FAM169A: variants seen among roughly 807,000 people sequenced by gnomAD.
FAM169A encodes the protein soluble lamin-associated protein of 75 kDa.
A neutral mutation model predicts 75.7 loss-of-function variants in FAM169A; 24 were observed. The ratio of observed to expected loss-of-function variants is 0.32; its 90% CI spans 0.23 to 0.45. FAM169A has a LOEUF of 0.45. Among genes scored for constraint, FAM169A ranks in the 20% least tolerant of loss-of-function variants. The probability of loss-of-function intolerance (pLI) is 1.00; values close to 1 mark genes in which losing one functional copy is unlikely to be tolerated. For synonymous variants in FAM169A, 271 were observed against 271.0 expected (o/e 1.00, Z 0.00); for missense variants, 673 against 784.0 (o/e 0.86, Z 1.69).
At chr5:74,791,890 A>C (rs898728923) in intron 11 of FAM169A, among the ~76,000 whole-genome samples, 5 of 152,256 alleles carry the variant, frequency 3.3e-5, no homozygotes, top group African/African-American at 7.2e-5. Flanking sequence ...CCAGCTGCAG[A>C]AACCAGGACT....
At chr5:74,837,153 A>G (rs944412259) in intron 4 of FAM169A, among the ~76,000 whole-genome samples, 3 of 152,132 alleles carry the variant, frequency 2.0e-5, no homozygotes, top group Non-Finnish European at 4.4e-5. Context: ...TTTAGCCTTC[A>G]TATCTATAAT....
At chr5:74,801,966 A>G (rs540246727) in intron 8 of FAM169A, among the ~76,000 whole-genome samples, 2 of 152,254 alleles carry the variant, frequency 1.3e-5, no homozygotes, top group African/African-American at 4.8e-5. Flanking sequence ...TAAGCCTCCA[A>G]ACTTTCTTCC....
chr5:74,801,526 C>G (rs376933486), intron 9 of FAM169A, 64 bp downstream of exon 9: 62 of 1,240,360 alleles, frequency 5.0e-5, no homozygotes, highest in Non-Finnish European at 3.6e-6. Flanking sequence ...CATGCACACA[C>G]ACACACACAG....
rs1216170209 is a variant in FAM169A, at chr5:74,841,566, A to C, written c.111T>G (p.Cys37Trp). The change falls in exon 2 of 13, where the codon TGT becomes TGG. Residue 37 changes from cysteine to tryptophan, a missense_variant. Around this residue, in one of 3 missense-constraint regions of FAM169A, gnomAD observed 56 missense variants for 52.2 expected, o/e 1.07. Coordinates refer to ENST00000687041, the MANE Select transcript of FAM169A (RefSeq NM_001376049.1). The part of the protein sequence containing the change: ...LRCGDPENPE[C>W]FSLLNITIPI... ...TTACCGTAATATTGAGAAGAGAAAAACACTCTGGATTTTCAGGGTCCCCAC... is the reference window on the plus strand; with the variant it reads ...TTACCGTAATATTGAGAAGAGAAAACCACTCTGGATTTTCAGGGTCCCCAC... The C allele has an allele frequency of 1.2e-6, 2 of 1,613,128 alleles. No homozygotes were observed. Among genetic ancestry groups the C allele is most frequent in the African/African-American group, 2.7e-5 (2 of 75,044 alleles).
chr5:74,844,173 A>T (rs560704829), intron 1 of FAM169A, among the ~76,000 whole-genome samples: 1 of 152,204 alleles, frequency 6.6e-6, no homozygotes, highest in South Asian at 2.1e-4. Context: ...TTTCCATGAC[A>T]AGGCCGGGCA....
intron 1 of FAM169A, among the ~76,000 whole-genome samples, chr5:74,860,166 T>C (rs6861935): frequency 0.15 from 22,263 of 152,220 alleles, 1,880 homozygotes; most frequent in African/African-American, 0.23. Context: ...TTCAAACCTA[T>C]GCCTATGGGC....
chr5:74,852,819 C>T (rs1031531059), intron 1 of FAM169A, among the ~76,000 whole-genome samples: 2 of 152,080 alleles, frequency 1.3e-5, no homozygotes, highest in Non-Finnish European at 1.5e-5. Flanking sequence ...ATTAAGGGAC[C>T]TTGGGCAGGG....
intron 6 of FAM169A, among the ~76,000 whole-genome samples, chr5:74,812,831 C>T (rs1433313671): frequency 6.6e-6 from 1 of 152,112 alleles, no homozygotes; most frequent in Non-Finnish European, 1.5e-5. Flanking sequence ...ATGTGGAGGG[C>T]TGTAATAAAA....
chr5:74,851,702 ACTT>A (rs1749453544), intron 1 of FAM169A, among the ~76,000 whole-genome samples: 1 of 152,232 alleles, frequency 6.6e-6, no homozygotes, highest in Non-Finnish European at 1.5e-5. Context: ...CAACTCTGGT[ACTT>A]CACAACCCAG....
At chr5:74,857,599 A>C (rs1450462688) in intron 1 of FAM169A, among the ~76,000 whole-genome samples, 1 of 149,412 alleles carries the variant, frequency 6.7e-6, no homozygotes, top group African/African-American at 2.5e-5. Flanking sequence ...AAAAAAAAAA[A>C]AAAAACTTCC....
chr5:74,847,263 T>C (rs1749203422), intron 1 of FAM169A, among the ~76,000 whole-genome samples: 1 of 152,108 alleles, frequency 6.6e-6, no homozygotes, highest in Non-Finnish European at 1.5e-5. Context: ...CCAAACATGG[T>C]CTGTACCCAT....
chr5:74,842,742 G>C (rs1748948710), intron 1 of FAM169A, among the ~76,000 whole-genome samples: 6 of 151,568 alleles, frequency 4.0e-5, no homozygotes, highest in Admixed American at 4.0e-4. Flanking sequence ...TTTTAAGCAA[G>C]ATTTTAATGG....
intron 12 of FAM169A, 96 bp downstream of exon 12, chr5:74,782,835 G>T: frequency 1.3e-6 from 1 of 772,464 alleles, no homozygotes; most frequent in Non-Finnish European, 2.1e-6. Flanking sequence ...CACTGTACAT[G>T]TAAAGGTGGA....
chr5:74,781,720 CAGT>C lies in FAM169A; in HGVS notation c.1750_1752del (p.Thr584del), dbSNP rs1745419259. 6.2e-7 allele frequency: 1 copy of C among 1,614,158 alleles called. No homozygotes were observed. Among genetic ancestry groups the C allele is most frequent in the Admixed American group, 1.7e-5 (1 of 60,026 alleles). On this transcript the variant is annotated inframe_deletion, in exon 13 of 13. Coordinates refer to ENST00000687041, the MANE Select transcript of FAM169A (RefSeq NM_001376049.1). The stretch of plus-strand genomic sequence containing the variant: ...TCTATCAAAGAACTCTGAGGAAGAG[CAGT>C]AGATGTTTCCTGGGGCTCAGATACC...
chr5:74,812,653 C>A (rs145313767), intron 6 of FAM169A, among the ~76,000 whole-genome samples: 10 of 152,128 alleles, frequency 6.6e-5, no homozygotes, highest in East Asian at 3.9e-4. Context: ...TAACCCCCCC[C>A]CAAAATGGTC....
intron 11 of FAM169A, among the ~76,000 whole-genome samples, chr5:74,790,303 C>A (rs1745908661): frequency 6.6e-6 from 1 of 152,196 alleles, no homozygotes. Flanking sequence ...TCCTGAAGGA[C>A]ACTGGTGAAG....
chr5:74,861,706 T>C (rs1750044637), intron 1 of FAM169A, among the ~76,000 whole-genome samples: 1 of 152,074 alleles, frequency 6.6e-6, no homozygotes, highest in South Asian at 2.1e-4. Flanking sequence ...TCCTCTCTTC[T>C]TCCTCTCCTC....
At chr5:74,823,978 TG>T (rs1008668948) in intron 5 of FAM169A, among the ~76,000 whole-genome samples, 59 of 152,240 alleles carry the variant, frequency 3.9e-4, no homozygotes, top group Admixed American at 2.2e-3. Flanking sequence ...GTGAGTAATC[TG>T]TCCAAAAAAG....
chr5:74,799,192 A>G (rs1360447308), intron 10 of FAM169A: 10 of 1,217,084 alleles, frequency 8.2e-6, no homozygotes, highest in South Asian at 7.2e-5. Context: ...GCATGACCAC[A>G]TCGTCACTTG....
Sources: allele counts gnomAD v4.1 joint callset (sites outside exome capture counted in the v4.1 genomes callset), GRCh38; gene constraint gnomAD v4.1.1; regional missense constraint gnomAD v4.1.1; transcripts MANE v1.5; gene names NCBI Gene and HGNC (gene_info 2026-07-23, HGNC 2026-07-21).